Variants in TFAP2D observed in about 807,000 individuals in gnomAD.
The protein encoded by TFAP2D is transcription factor AP-2 delta.
In TFAP2D, 9 loss-of-function variants were observed where a neutral mutation model predicts 43.6. That is an observed-to-expected ratio of 0.21 (90% CI 0.12 to 0.36). TFAP2D has a LOEUF of 0.36. Among genes scored for constraint, TFAP2D ranks in the 10% least tolerant of loss-of-function variants. TFAP2D has a pLI of 1.00. For missense variants in TFAP2D, 513 were observed against 561.4 expected, an observed-to-expected ratio of 0.91 and a Z score of 0.87; for synonymous variants, 256 against 224.9, an observed-to-expected ratio of 1.14 and a Z score of -1.24.
At chr6:50,756,671 C>A (rs1401362874) in intron 7 of TFAP2D, among the ~76,000 whole-genome samples, 1 of 151,972 alleles carries the variant, frequency 6.6e-6, no homozygotes, top group Non-Finnish European at 1.5e-5. Context: ...CAGACTTATT[C>A]ATTATTTATA....
At chr6:50,725,792 C>T (rs1284201944) in intron 3 of TFAP2D, among the ~76,000 whole-genome samples, 1 of 152,136 alleles carries the variant, frequency 6.6e-6, no homozygotes, top group East Asian at 1.9e-4. Flanking sequence ...TTCCACCTCT[C>T]TAAAGAATAA....
Position 50,714,107 on chromosome 6 carries a change from T to A in TFAP2D, c.39+13T>A, listed in dbSNP as rs779597196. The A allele has an allele frequency of 1.2e-6, 1 of 859,332 alleles. No individual in the cohort carries two copies. Among genetic ancestry groups the A allele is most frequent in the Non-Finnish European group, 1.6e-6 (1 of 632,156 alleles). The allele number at this position is 859,332 out of a possible 1,614,324, so 53.2% of individuals were successfully genotyped here. On this transcript the variant is annotated intron_variant, in intron 1 of 7. Coordinates refer to ENST00000008391, the MANE Select transcript of TFAP2D (RefSeq NM_172238.4). ...CCACGATGCCGAGGTATTATTACTT[T>A]TTTTTTTTTTTTTTTTTGAGCGCGC...
intron 7 of TFAP2D, among the ~76,000 whole-genome samples, chr6:50,751,952 C>T (rs1220925234): frequency 2.0e-5 from 3 of 151,986 alleles, no homozygotes; most frequent in South Asian, 2.1e-4. Flanking sequence ...TCAAATAATA[C>T]TTAGCACTTT....
rs1427510392 is a variant in TFAP2D, at chr6:50,728,919, T to C, written c.662T>C (p.Leu221Pro). 1 of 1,614,088 alleles carries C rather than the reference T, an allele frequency of 6.2e-7. No homozygotes were observed. The highest frequency in any genetic ancestry group is 1.1e-5 in the South Asian group (1 of 91,080). ...TCTGTCCCTGGCCGTTTGTCCCTTC[T>C]TAGTTCTACTTCCAAATACAAGGTG... ...FCSVPGRLSL[L>P]SSTSKYKVTI... Residue 221 changes from leucine (L) to proline (P), a missense_variant, in exon 4 of 8, where the codon CTT becomes CCT. Around this residue, in one of 3 missense-constraint regions of TFAP2D, gnomAD observed 311 missense variants for 316.2 expected, o/e 0.98. Transcript: ENST00000008391.
intron 2 of TFAP2D, among the ~76,000 whole-genome samples, chr6:50,716,065 G>A (rs1768623565): frequency 6.6e-6 from 1 of 152,116 alleles, no homozygotes; most frequent in South Asian, 2.1e-4. Flanking sequence ...AGGGTCTTCC[G>A]AGGCGTCCCA....
chr6:50,745,240 G>T lies in TFAP2D; in HGVS notation c.1017G>T (p.Leu339=). 6.2e-7 allele frequency: 1 copy of T among 1,613,392 alleles called. No homozygotes were observed. Among genetic ancestry groups the T allele is most frequent in the Non-Finnish European group, 8.5e-7 (1 of 1,179,640 alleles). ...AGACAGCAAGAAAAAAGATGATCCTGGCGACCAAGTAAGCAGAATGGGGAA... is the reference window on the plus strand; with the variant it reads ...AGACAGCAAGAAAAAAGATGATCCTTGCGACCAAGTAAGCAGAATGGGGAA... ...KEQTARKKMI[L]ATKQICKEFQ... is the part of the protein sequence containing the mutation. Residue 339 remains leucine (L), a synonymous_variant, in exon 6 of 8, where the codon CTG becomes CTT. Coordinates refer to ENST00000008391, the MANE Select transcript of TFAP2D (RefSeq NM_172238.4).
At position 50,715,612 on chromosome 6, in the gene TFAP2D, A is replaced by G; in HGVS notation, c.536A>G (p.Gln179Arg). The change falls in exon 2 of 8, where the codon CAG becomes CGG. Residue 179 changes from glutamine to arginine, a missense_variant and splice_region_variant. By Grantham distance (43) the Gln-to-Arg change is conservative. Around this residue, in one of 3 missense-constraint regions of TFAP2D, gnomAD observed 311 missense variants for 316.2 expected, o/e 0.98. Coordinates refer to ENST00000008391, the MANE Select transcript of TFAP2D (RefSeq NM_172238.4). ...GLAAAGADDLQGSVEAQCGLV... is the reference protein window; with the variant it reads ...GLAAAGADDLRGSVEAQCGLV... ...GCCGCCGCGGGAGCAGACGACTTGC[A>G]GGTAAATAAGCATGCAGCGAATTTG... is the stretch of plus-strand genomic sequence containing the variant. 4 of 1,589,612 alleles carry G rather than the reference A, an allele frequency of 2.5e-6. No homozygotes were observed. The highest frequency in any genetic ancestry group is 3.4e-6 in the Non-Finnish European group (4 of 1,167,252).
intron 5 of TFAP2D, among the ~76,000 whole-genome samples, chr6:50,738,091 G>A (rs924003544): frequency 6.6e-6 from 1 of 151,980 alleles, no homozygotes; most frequent in Non-Finnish European, 1.5e-5. Context: ...TTAAACAGGA[G>A]GCTATCAATT....
intron 3 of TFAP2D, among the ~76,000 whole-genome samples, chr6:50,719,447 GAGAAAGAAAGAAAGAAAGAAAGAA>G (rs531796279): frequency 3.0e-5 from 4 of 131,786 alleles, no homozygotes; most frequent in East Asian, 2.4e-4. Context: ...AAAAGACAGA[GAGAAAGAAAGAAAGAAAGAAAGAA>G]AGAAAGAAAG....
Position 50,715,118 on chromosome 6 carries a change from A to G in TFAP2D, c.42A>G (p.Ile14Met). 1.2e-6 allele frequency: 2 copies of G among 1,610,394 alleles called. No homozygotes were observed. Among genetic ancestry groups the G allele is most frequent in the South Asian group, 2.2e-5 (2 of 90,986 alleles). ...CCTTTTCCCCCTCTTCCTTCCAGATACGTCACGACGGATCAAACAGCTACC... is the reference window on the plus strand; with the variant it reads ...CCTTTTCCCCCTCTTCCTTCCAGATGCGTCACGACGGATCAAACAGCTACC... The part of the protein sequence containing the change: ...TFPGLVHDAE[I>M]RHDGSNSYRL... Residue 14 changes from isoleucine (I) to methionine (M), a missense_variant and splice_region_variant, in exon 2 of 8, where the codon ATA becomes ATG. Around this residue, in one of 3 missense-constraint regions of TFAP2D, gnomAD observed 311 missense variants for 316.2 expected, o/e 0.98. Coordinates refer to ENST00000008391, the MANE Select transcript of TFAP2D (RefSeq NM_172238.4).
chr6:50,716,303 C>T (rs1361433995), intron 2 of TFAP2D, among the ~76,000 whole-genome samples: 1 of 152,164 alleles, frequency 6.6e-6, no homozygotes, highest in Admixed American at 6.5e-5. Context: ...GCCTGACGTG[C>T]ACTCAAAACC....
At chr6:50,724,103 A>G (rs1469197536) in intron 3 of TFAP2D, among the ~76,000 whole-genome samples, 1 of 150,358 alleles carries the variant, frequency 6.7e-6, no homozygotes, top group Non-Finnish European at 1.5e-5. Context: ...GTGGGGGGAG[A>G]GGTAACATGG....
chr6:50,722,627 A>T (rs1214362612), intron 3 of TFAP2D, among the ~76,000 whole-genome samples: 1 of 152,032 alleles, frequency 6.6e-6, no homozygotes, highest in Non-Finnish European at 1.5e-5. Flanking sequence ...AATGTTGATG[A>T]CGATGGTGAT....
At chr6:50,731,393 G>A (rs941699269) in intron 5 of TFAP2D, among the ~76,000 whole-genome samples, 1 of 151,822 alleles carries the variant, frequency 6.6e-6, no homozygotes, top group African/African-American at 2.4e-5. Flanking sequence ...TAGAGTCAAA[G>A]AGATCTTTTG....
At chr6:50,729,944 G>T (rs886298433) in intron 5 of TFAP2D, among the ~76,000 whole-genome samples, 1 of 151,936 alleles carries the variant, frequency 6.6e-6, no homozygotes, top group Admixed American at 6.6e-5. Context: ...TCCTATTAAG[G>T]TCTAAACTTT....
intron 6 of TFAP2D, among the ~76,000 whole-genome samples, chr6:50,747,431 C>T (rs141134338): frequency 2.0e-5 from 3 of 152,166 alleles, no homozygotes; most frequent in African/African-American, 7.2e-5. Context: ...TTACTGTTGT[C>T]CCAAAATACA....
At chr6:50,736,226 C>T (rs1768961392) in intron 5 of TFAP2D, among the ~76,000 whole-genome samples, 1 of 152,114 alleles carries the variant, frequency 6.6e-6, no homozygotes, top group African/African-American at 2.4e-5. Flanking sequence ...GTGCGTTGAC[C>T]TCTTGTATTA....
At chr6:50,723,078 C>G (rs937803591) in intron 3 of TFAP2D, among the ~76,000 whole-genome samples, 1 of 152,150 alleles carries the variant, frequency 6.6e-6, no homozygotes, top group Non-Finnish European at 1.5e-5. Context: ...GAACTCTGCA[C>G]GTTTTAAGAG....
rs1768566403 is a variant in TFAP2D at position 50,713,717 on chromosome 6, C to T, written c.-339C>T. On this transcript the variant is annotated 5_prime_UTR_variant, in exon 1 of 8. Coordinates refer to ENST00000008391, the MANE Select transcript of TFAP2D (RefSeq NM_172238.4). ...GTCTCCTGGGATAAATCTCTTCTGC[C>T]TATTGTCCTCCCAGTTCTCAGTGCT... 2.7e-6 allele frequency: 1 copy of T among 368,522 alleles called. No homozygotes were observed. The highest frequency in any genetic ancestry group is 6.2e-5 in the East Asian group (1 of 16,206). The allele number at this position is 368,522 out of a possible 1,614,324, so 22.8% of individuals were successfully genotyped here.
Sources: allele counts gnomAD v4.1 joint callset (sites outside exome capture counted in the v4.1 genomes callset), GRCh38; gene constraint gnomAD v4.1.1; regional missense constraint gnomAD v4.1.1; transcripts MANE v1.5; gene names NCBI Gene and HGNC (gene_info 2026-07-23, HGNC 2026-07-21).